Variants in ANKRD33B observed in about 807,000 individuals in gnomAD.
ANKRD33B encodes the protein ankyrin repeat domain 33B.
Under a neutral mutation model 21.5 loss-of-function variants are expected in ANKRD33B, and 6 were observed. The observed-to-expected ratio is 0.28, with a 90% CI of 0.15 to 0.55. The LOEUF (loss-of-function observed/expected upper bound fraction) is 0.55. ANKRD33B is among the 20% of genes least tolerant of loss of function. ANKRD33B has a pLI of 0.94. For synonymous variants in ANKRD33B, 347 were observed against 342.4 expected (o/e 1.01, Z -0.15); for missense variants, 698 against 747.2 (o/e 0.93, Z 0.77).
intron 1 of ANKRD33B, among the ~76,000 whole-genome samples, chr5:10,583,122 G>A (rs1364443343): frequency 6.6e-6 from 1 of 151,350 alleles, no homozygotes; most frequent in Non-Finnish European, 1.5e-5. Context: ...TCAGCCTCCC[G>A]AGTAGCTGGG....
At chr5:10,597,658 C>G (rs1409991658) in intron 1 of ANKRD33B, among the ~76,000 whole-genome samples, 1 of 152,140 alleles carries the variant, frequency 6.6e-6, no homozygotes, top group East Asian at 1.9e-4. Context: ...ATATTCAGGA[C>G]CTGAACTCAG....
intron 1 of ANKRD33B, among the ~76,000 whole-genome samples, chr5:10,571,828 A>C (rs1228717983): frequency 6.6e-6 from 1 of 152,086 alleles, no homozygotes; most frequent in Non-Finnish European, 1.5e-5. Context: ...CCAAGTGCCC[A>C]GGCCACATCT....
chr5:10,640,716 A>C (rs1579756066), intron 3 of ANKRD33B, among the ~76,000 whole-genome samples: 1 of 152,220 alleles, frequency 6.6e-6, no homozygotes, highest in East Asian at 1.9e-4. Context: ...GTTCCTGAAG[A>C]AGTGGATTTC....
chr5:10,621,215 C>G (rs1015678109), intron 2 of ANKRD33B, among the ~76,000 whole-genome samples: 2 of 152,108 alleles, frequency 1.3e-5, no homozygotes, highest in African/African-American at 4.8e-5. Flanking sequence ...CTGGACTTTC[C>G]CAGTCCCTGT....
At chr5:10,569,697 A>G (rs1231898315) in intron 1 of ANKRD33B, among the ~76,000 whole-genome samples, 2 of 152,156 alleles carry the variant, frequency 1.3e-5, no homozygotes, top group Non-Finnish European at 2.9e-5. Flanking sequence ...GAGGAGGGCA[A>G]ATTGAGCAGA....
chr5:10,588,229 CTT>C (rs563698008), intron 1 of ANKRD33B, among the ~76,000 whole-genome samples: 3 of 152,232 alleles, frequency 2.0e-5, no homozygotes, highest in Non-Finnish European at 4.4e-5. Context: ...TGAGGTATAA[CTT>C]TAGCGACATT....
Position 10,576,073 on chromosome 5 carries a change from G to A in ANKRD33B, c.366+11240G>A, listed in dbSNP as rs1363675115. Among the ~76,000 whole-genome samples, 5 of 152,190 alleles carry A rather than the reference G, an allele frequency of 3.3e-5. No individual in the cohort carries two copies. The highest frequency in any genetic ancestry group is 1.2e-4 in the African/African-American group (5 of 41,440). Reference sequence around the variant, plus strand: ...ATGTCAAGTTCGTGGCATTGTTATTGTACAGTAATTGTGGAAGATGCTACC... The same window carrying A: ...ATGTCAAGTTCGTGGCATTGTTATTATACAGTAATTGTGGAAGATGCTACC... On this transcript the variant is annotated intron_variant, in intron 1 of 3. Transcript: ENST00000296657. This position sits in a 1 kb window ranked among gnomAD's most constrained non-coding sequence, Gnocchi z 4.1.
intron 1 of ANKRD33B, among the ~76,000 whole-genome samples, chr5:10,572,663 C>T (rs79306106): frequency 3.2e-4 from 48 of 152,336 alleles, no homozygotes; most frequent in African/African-American, 1.1e-3. Flanking sequence ...GGGCCTGTTC[C>T]CCAAGTGGAC....
At chr5:10,590,273 G>A (rs1449624586) in intron 1 of ANKRD33B, among the ~76,000 whole-genome samples, 1 of 152,198 alleles carries the variant, frequency 6.6e-6, no homozygotes, top group African/African-American at 2.4e-5. Context: ...TAGACATTGT[G>A]TATGAAAATT....
chr5:10,593,049 T>TAC (rs1735731228), intron 1 of ANKRD33B, among the ~76,000 whole-genome samples: 1 of 152,074 alleles, frequency 6.6e-6, no homozygotes, highest in Admixed American at 6.5e-5. Context: ...CACCACCCCG[T>TAC]ATCCACCCCT....
chr5:10,647,585 G>C (rs994465781), intron 3 of ANKRD33B, among the ~76,000 whole-genome samples: 1 of 152,054 alleles, frequency 6.6e-6, no homozygotes, highest in African/African-American at 2.4e-5. Context: ...ATTTATTAAG[G>C]GAGTGACTAG....
At chr5:10,571,416 G>T (rs915044915) in intron 1 of ANKRD33B, among the ~76,000 whole-genome samples, 1 of 152,078 alleles carries the variant, frequency 6.6e-6, no homozygotes, top group Non-Finnish European at 1.5e-5. Context: ...TGGCCAGGCT[G>T]GTCTCAAACT....
chr5:10,593,535 G>A (rs1402846033), intron 1 of ANKRD33B, among the ~76,000 whole-genome samples: 4 of 151,784 alleles, frequency 2.6e-5, no homozygotes, highest in Non-Finnish European at 5.9e-5. Flanking sequence ...TGTCTCAGTC[G>A]ACACCCTACC....
At position 10,619,439 on chromosome 5, in the gene ANKRD33B, C is replaced by T. The variant is rs1170774438; in HGVS notation, c.496+977C>T. The T allele has an allele frequency of 2.3e-5, 22 of 956,194 alleles. No homozygotes were observed. Among genetic ancestry groups the T allele is most frequent in the African/African-American group, 3.5e-5 (2 of 56,568 alleles). The allele number at this position is 956,194 out of a possible 1,614,324, so 59.2% of individuals were successfully genotyped here. On this transcript the variant is annotated intron_variant, in intron 2 of 3. Coordinates refer to ENST00000296657, the MANE Select transcript of ANKRD33B (RefSeq NM_001164440.2). The surrounding 1 kb of genome is among the most constrained non-coding windows in gnomAD (Gnocchi z 4.5). ...TCACCAAAAGGAGACCTCCTTGTCC[C>T]TTGTTGCTTCACAAGCTCCTGGACC...
At chr5:10,565,116 C>T (rs1735018980) in intron 1 of ANKRD33B, among the ~76,000 whole-genome samples, 1 of 152,244 alleles carries the variant, frequency 6.6e-6, no homozygotes, top group Non-Finnish European at 1.5e-5. Context: ...TTACCGGTCC[C>T]CGTGGACCTC....
At chr5:10,622,807 TA>T (rs201748513) in intron 2 of ANKRD33B, among the ~76,000 whole-genome samples, 26,187 of 124,102 alleles carry the variant, frequency 0.21, 3,448 homozygotes, top group East Asian at 0.48. Flanking sequence ...TATTTTATTT[TA>T]TTTTTTTTTT....
intron 3 of ANKRD33B, 129 bp downstream of exon 3, chr5:10,638,297 C>A (rs773008532): frequency 7.4e-6 from 9 of 1,218,252 alleles, no homozygotes; most frequent in Admixed American, 2.8e-5. Context: ...ATAATAGTTT[C>A]TTCACTGACA....
At position 10,650,098 on chromosome 5, in the gene ANKRD33B, G is replaced by C; in HGVS notation, c.1470G>C (p.Trp490Cys). The C allele has an allele frequency of 6.6e-7, 1 of 1,523,852 alleles. No individual in the cohort carries two copies. The allele number at this position is 1,523,852 out of a possible 1,614,324, so 94.4% of individuals were successfully genotyped here. A position where few individuals can be genotyped will look rare whatever the true frequency, so the allele number is the denominator to read the frequency against. Residue 490 changes from tryptophan (W) to cysteine (C), a missense_variant, in exon 4 of 4, where the codon TGG becomes TGC. Transcript: ENST00000296657. ...EAQKERRTAP[W>C]KKRT ...AGAAGGAGAGGCGCACTGCGCCCTG[G>C]AAGAAGAGGACGTGAGGGCCCGTGT...
At chr5:10,595,716 A>G (rs568522501) in intron 1 of ANKRD33B, among the ~76,000 whole-genome samples, 4 of 152,308 alleles carry the variant, frequency 2.6e-5, no homozygotes, top group African/African-American at 9.6e-5. Context: ...GAATCTTCAG[A>G]GGTTCAGCCA....
Sources: allele counts gnomAD v4.1 joint callset (sites outside exome capture counted in the v4.1 genomes callset), GRCh38; gene constraint gnomAD v4.1.1; non-coding constraint Gnocchi (gnomAD v3.1); transcripts MANE v1.5; gene names NCBI Gene and HGNC (gene_info 2026-07-23, HGNC 2026-07-21).